The following COL5A1 variants were observed in gnomAD, a reference collection of about 807,000 sequenced individuals.
COL5A1 encodes the protein collagen type V alpha 1 chain.
COL5A1 carries 16 observed loss-of-function variants against 263.7 expected under a neutral mutation model. The observed-to-expected ratio is 0.06, with a 90% CI of 0.04 to 0.09. The LOEUF (loss-of-function observed/expected upper bound fraction) is 0.09. Among genes scored for constraint, COL5A1 ranks in the 10% least tolerant of loss-of-function variants. The probability of loss-of-function intolerance (pLI) is 1.00; values close to 1 mark genes in which losing one functional copy is unlikely to be tolerated. For missense variants in COL5A1, 2,036 were observed against 2,540.5 expected, an observed-to-expected ratio of 0.80 and a Z score of 4.27; for synonymous variants, 1,012 against 1,004.5, an observed-to-expected ratio of 1.01 and a Z score of -0.14.
rs1264491343 is a variant in COL5A1, at chr9:134,821,989, G to A, written c.4555-108G>A. 1.5e-5 allele frequency: 14 copies of A among 958,512 alleles called. No individual in the cohort carries two copies. Among genetic ancestry groups the A allele is most frequent in the South Asian group, 3.9e-5 (3 of 77,266 alleles). 59.4% of individuals were successfully genotyped at this position (958,512 alleles called of 1,614,324 possible). A position where few individuals can be genotyped will look rare whatever the true frequency, so the allele number is the denominator to read the frequency against. On this transcript the variant is annotated intron_variant, in intron 58 of 65. Transcript: ENST00000371817. This position sits in a 1 kb window ranked among gnomAD's most constrained non-coding sequence, Gnocchi z 4.2. ...CTGCTGAGGGGCCAAAGGGCATACC[G>A]TGGGGAAGGGACAGGGGAGCCGAGG...
intron 19 of COL5A1, among the ~76,000 whole-genome samples, chr9:134,762,868 C>CGTGT (rs36058752): frequency 8.7e-5 from 13 of 149,810 alleles, no homozygotes; most frequent in African/African-American, 2.7e-4. Flanking sequence ...ATTGAGAGGA[C>CGTGT]GTGTGTGTGT....
At chr9:134,735,929 C>T (rs1356650141) in intron 9 of COL5A1, among the ~76,000 whole-genome samples, 1 of 152,202 alleles carries the variant, frequency 6.6e-6, no homozygotes, top group Admixed American at 6.5e-5. Context: ...GGAGTCCCCT[C>T]ATCAGCCTGG....
chr9:134,750,671 A>T, intron 12 of COL5A1, 55 bp downstream of exon 12: 2 of 1,602,016 alleles, frequency 1.2e-6, no homozygotes, highest in South Asian at 1.1e-5. Flanking sequence ...GTGGGATCCA[A>T]ACCAGACCCT....
rs764845020 is a variant in COL5A1 at position 134,842,031 on chromosome 9, A to G, written c.5371-126A>G. 9.1e-5 allele frequency: 98 copies of G among 1,072,852 alleles called. No homozygotes were observed. Among genetic ancestry groups the G allele is most frequent in the Non-Finnish European group, 1.2e-4 (87 of 708,014 alleles). The allele number at this position is 1,072,852 out of a possible 1,614,324, so 66.5% of individuals were successfully genotyped here. The stretch of plus-strand genomic sequence containing the variant: ...CTCCAACACTTGCCCGGGCAAGCGC[A>G]GCCCTGGGTAGGAGACAGGACACCA... On this transcript the variant is annotated intron_variant, in intron 65 of 65. Transcript: ENST00000371817. The surrounding 1 kb of genome is among the most constrained non-coding windows in gnomAD (Gnocchi z 5.8).
chr9:134,740,794 G>A (rs957412534), intron 11 of COL5A1, among the ~76,000 whole-genome samples: 3 of 152,212 alleles, frequency 2.0e-5, no homozygotes, highest in Admixed American at 2.0e-4. Context: ...CTACCCAGCT[G>A]CCGTGGAGGA....
chr9:134,646,985 T>C (rs1831496801), intron 1 of COL5A1, among the ~76,000 whole-genome samples: 1 of 152,162 alleles, frequency 6.6e-6, no homozygotes, highest in African/African-American at 2.4e-5. Context: ...TGAAGATCGA[T>C]TGAGGCCACA....
chr9:134,832,016 G>C (rs1303639241), intron 64 of COL5A1, among the ~76,000 whole-genome samples: 1 of 152,184 alleles, frequency 6.6e-6, no homozygotes, highest in Non-Finnish European at 1.5e-5. Flanking sequence ...TATAATCCCA[G>C]CACTTTGGGA....
At chr9:134,811,042 C>T (rs1838502750) in intron 44 of COL5A1, among the ~76,000 whole-genome samples, 1 of 152,188 alleles carries the variant, frequency 6.6e-6, no homozygotes, top group Admixed American at 6.5e-5. Flanking sequence ...TTGAAGGGGG[C>T]CTCACGTGCC....
At chr9:134,713,605 A>G (rs1357378165) in intron 4 of COL5A1, among the ~76,000 whole-genome samples, 2 of 152,220 alleles carry the variant, frequency 1.3e-5, no homozygotes, top group East Asian at 1.9e-4. Context: ...GTTCAAAACA[A>G]TCAATTGTAC....
chr9:134,661,186 C>A (rs766059642), intron 1 of COL5A1, among the ~76,000 whole-genome samples: 3 of 151,106 alleles, frequency 2.0e-5, no homozygotes, highest in Non-Finnish European at 2.9e-5. Context: ...GGGGAAGTGT[C>A]GGGGACACTA....
At chr9:134,719,043 T>A (rs1042361266) in intron 4 of COL5A1, among the ~76,000 whole-genome samples, 1 of 152,182 alleles carries the variant, frequency 6.6e-6, no homozygotes, top group East Asian at 1.9e-4. Context: ...CAACACAACC[T>A]GTCACGTTGG....
intron 26 of COL5A1, among the ~76,000 whole-genome samples, chr9:134,773,297 C>T (rs970153982): frequency 4.6e-5 from 7 of 152,298 alleles, no homozygotes; most frequent in Admixed American, 2.6e-4. Flanking sequence ...GTTCCTCCTG[C>T]GGGGCCTGCT....
At chr9:134,759,334 AAGCACACACACACACC>A (rs1836132345) in intron 18 of COL5A1, among the ~76,000 whole-genome samples, 1 of 125,220 alleles carries the variant, frequency 8.0e-6, no homozygotes. Flanking sequence ...ACATGCACAC[AAGCACACACACACACC>A]CACATTCATA....
At chr9:134,693,389 G>A (rs1833353176) in intron 2 of COL5A1, among the ~76,000 whole-genome samples, 1 of 152,198 alleles carries the variant, frequency 6.6e-6, no homozygotes, top group African/African-American at 2.4e-5. Flanking sequence ...ATAGTCTGCG[G>A]GATTTTTTTT....
intron 2 of COL5A1, among the ~76,000 whole-genome samples, chr9:134,693,074 C>CA (rs769613406): frequency 4.1e-4 from 61 of 150,362 alleles, no homozygotes; most frequent in East Asian, 1.4e-3. Context: ...ATGTCAAAAA[C>CA]AAAAAAAAAG....
At chr9:134,737,572 C>T (rs185253820) in intron 9 of COL5A1, among the ~76,000 whole-genome samples, 3 of 152,320 alleles carry the variant, frequency 2.0e-5, no homozygotes, top group African/African-American at 4.8e-5. Context: ...GCCCTGAAGT[C>T]GTCATGGAAC....
Position 134,823,319 on chromosome 9 carries a change from C to T in COL5A1, c.4645-97C>T, listed in dbSNP as rs1839101978. On this transcript the variant is annotated intron_variant, in intron 60 of 65. Transcript: ENST00000371817. ...GCTGTGGCTGATAGGGCCACCTCCCCCACATAGGTCTCCAGGGACCATTCT... is the reference window on the plus strand; with the variant it reads ...GCTGTGGCTGATAGGGCCACCTCCCTCACATAGGTCTCCAGGGACCATTCT... The T allele has an allele frequency of 6.6e-6, 9 of 1,355,056 alleles. No individual in the cohort carries two copies. The South Asian group carries it at 9.3e-5, about 14-fold the overall frequency. The allele number at this position is 1,355,056 out of a possible 1,614,324, so 83.9% of individuals were successfully genotyped here. A position where few individuals can be genotyped will look rare whatever the true frequency, so the allele number is the denominator to read the frequency against.
chr9:134,790,591 TATCC>T (rs1837653577), intron 32 of COL5A1, among the ~76,000 whole-genome samples: 1 of 36,898 alleles, frequency 2.7e-5, no homozygotes, highest in Non-Finnish European at 4.9e-5. Flanking sequence ...TCCATCCATC[TATCC>T]ATCCACCCAC....
rs1396583785 is a variant in COL5A1 at position 134,681,647 on chromosome 9, C to T, written c.110-9265C>T. ...ACTCCCTTGCAGCCCCAGCATGGCA[C>T]CAGCCTGCGAGTGACCATGCTCACC... On this transcript the variant is annotated intron_variant, in intron 1 of 65. Transcript: ENST00000371817. The surrounding 1 kb of genome is among the most constrained non-coding windows in gnomAD (Gnocchi z 4.3). Among the ~76,000 whole-genome samples the T allele has an allele frequency of 1.3e-5, 2 of 152,164 alleles. No individual in the cohort carries two copies. Among genetic ancestry groups the T allele is most frequent in the African/African-American group, 4.8e-5 (2 of 41,430 alleles).
Sources: allele counts gnomAD v4.1 joint callset (sites outside exome capture counted in the v4.1 genomes callset), GRCh38; gene constraint gnomAD v4.1.1; non-coding constraint Gnocchi (gnomAD v3.1); transcripts MANE v1.5; gene names NCBI Gene and HGNC (gene_info 2026-07-23, HGNC 2026-07-21).